Variants in BOP1 observed in about 807,000 individuals in gnomAD.
BOP1 encodes ribosome biogenesis protein BOP1.
In BOP1, 54 loss-of-function variants were observed where a neutral mutation model predicts 82.9. The observed-to-expected ratio is 0.65, with a 90% CI of 0.52 to 0.82. BOP1 has a LOEUF of 0.82. Ranked by LOEUF, BOP1 falls within the 40% of genes least tolerant of loss-of-function variation. BOP1 has a pLI of 0.00. For missense variants in BOP1, 1,170 were observed against 1,072.0 expected, an observed-to-expected ratio of 1.09 and a Z score of -1.28; for synonymous variants, 566 against 451.1, an observed-to-expected ratio of 1.25 and a Z score of -3.23.
At chr8:144,283,491 T>G (rs1814774906) in intron 2 of BOP1, among the ~76,000 whole-genome samples, 1 of 152,160 alleles carries the variant, frequency 6.6e-6, no homozygotes, top group African/African-American at 2.4e-5. Context: ...TTTTAAATTT[T>G]CTGTAAAAAT....
At chr8:144,272,985 TCG>T (rs1488208375) in intron 3 of BOP1, among the ~76,000 whole-genome samples, 1 of 152,002 alleles carries the variant, frequency 6.6e-6, no homozygotes, top group African/African-American at 2.4e-5. Flanking sequence ...AGCAGCCCCC[TCG>T]GAGGCAGGCA....
intron 3 of BOP1, among the ~76,000 whole-genome samples, chr8:144,274,214 C>T (rs1276131143): frequency 6.6e-6 from 1 of 152,190 alleles, no homozygotes; most frequent in Non-Finnish European, 1.5e-5. Context: ...CCCTCCCTGC[C>T]CTGCTACCAG....
At chr8:144,283,890 G>A (rs1206649265) in intron 2 of BOP1, among the ~76,000 whole-genome samples, 1 of 152,200 alleles carries the variant, frequency 6.6e-6, no homozygotes, top group Non-Finnish European at 1.5e-5. Flanking sequence ...GGCCAAGACA[G>A]GTGGATTACC....
At chr8:144,281,033 A>C (rs112131916) in intron 2 of BOP1, among the ~76,000 whole-genome samples, 25,661 of 51,714 alleles carry the variant, frequency 0.5, 5,757 homozygotes, top group East Asian at 0.71. Flanking sequence ...CTCTCACTTT[A>C]ATACCAGGTC....
At chr8:144,287,545 G>C (rs1460878206) in intron 2 of BOP1, among the ~76,000 whole-genome samples, 1 of 152,034 alleles carries the variant, frequency 6.6e-6, no homozygotes, top group Non-Finnish European at 1.5e-5. Context: ...TTGTCACCCA[G>C]GCTGGAGTGC....
intron 3 of BOP1, among the ~76,000 whole-genome samples, chr8:144,275,053 C>T (rs1368606462): frequency 1.3e-5 from 2 of 151,356 alleles, no homozygotes; most frequent in Non-Finnish European, 2.9e-5. Context: ...ATCGGGCGGG[C>T]GGCCAAGGCT....
chr8:144,267,078 C>G, intron 3 of BOP1: 2 of 1,394,592 alleles, frequency 1.4e-6, no homozygotes, highest in South Asian at 1.6e-5. Context: ...CGGCGCGCGC[C>G]GGCAGCCCCC....
chr8:144,262,705 G>C (rs1049502364), intron 13 of BOP1, 33 bp from the exon 14 acceptor site: 166 of 1,607,056 alleles, frequency 1.0e-4, no homozygotes, highest in Middle Eastern at 8.6e-4. Flanking sequence ...AGGTGTTCCC[G>C]CTCTCACCTG....
chr8:144,265,746 G>A (rs1311520892), intron 3 of BOP1: 6 of 154,020 alleles, frequency 3.9e-5, no homozygotes, highest in African/African-American at 1.4e-4. Flanking sequence ...GGGACCCCTT[G>A]GGCCCTGCCC....
intron 2 of BOP1, among the ~76,000 whole-genome samples, chr8:144,282,496 C>T (rs1845700890): frequency 6.6e-6 from 1 of 152,002 alleles, no homozygotes; most frequent in Non-Finnish European, 1.5e-5. Context: ...GCAGGTGGAC[C>T]CAGAAAGAGG....
Position 144,289,240 on chromosome 8 carries a change from C to T in BOP1, c.164G>A (p.Ser55Asn). Residue 55 changes from serine (S) to asparagine (N), a missense_variant, in exon 2 of 16, where the codon AGC (serine) becomes AAC (asparagine). Physicochemically the swap from Ser to Asn is conservative, Grantham distance 46. Coordinates refer to ENST00000569669, the MANE Select transcript of BOP1 (RefSeq NM_015201.5). ...CAGGCCTGAGAACACACTTTCCTCGCTGTCGGAGACGCCAGAATCGCTGCC... is the reference window on the plus strand; with the variant it reads ...CAGGCCTGAGAACACACTTTCCTCGTTGTCGGAGACGCCAGAATCGCTGCC... ...STGSDSGVSD[S>N]EESVFSGLED... 6.2e-7 allele frequency: 1 copy of T among 1,614,070 alleles called. No homozygotes were observed. Among genetic ancestry groups the T allele is most frequent in the Non-Finnish European group, 8.5e-7 (1 of 1,179,956 alleles).
intron 3 of BOP1, among the ~76,000 whole-genome samples, chr8:144,274,822 C>T (rs910670575): frequency 3.9e-5 from 6 of 152,162 alleles, no homozygotes; most frequent in South Asian, 2.1e-4. Context: ...CCCCGGCCTC[C>T]GCGCTCCGTT....
chr8:144,264,878 G>C, intron 4 of BOP1, 39 bp downstream of exon 4: 2 of 1,607,238 alleles, frequency 1.2e-6, no homozygotes, highest in Non-Finnish European at 1.7e-6. Flanking sequence ...CACCCCTCGG[G>C]CCCACCCCGG....
chr8:144,271,225 G>C (rs1017920176), intron 3 of BOP1, among the ~76,000 whole-genome samples: 1 of 152,064 alleles, frequency 6.6e-6, no homozygotes, highest in Non-Finnish European at 1.5e-5. Flanking sequence ...TTCCGCTCTC[G>C]ATGAGCCCCC....
intron 2 of BOP1, among the ~76,000 whole-genome samples, chr8:144,280,552 T>C (rs1273931376): frequency 6.6e-6 from 1 of 152,196 alleles, no homozygotes; most frequent in Non-Finnish European, 1.5e-5. Flanking sequence ...GGCCAAACTC[T>C]CCTTAAATTA....
intron 1 of BOP1, among the ~76,000 whole-genome samples, chr8:144,290,616 T>C (rs972654205): frequency 6.6e-5 from 10 of 152,326 alleles, no homozygotes; most frequent in Non-Finnish European, 1.3e-4. Context: ...GAGGACCGTT[T>C]AGTCCAAGGG....
intron 3 of BOP1, 62 bp from the exon 4 acceptor site, chr8:144,265,133 G>A (rs925140956): frequency 3.4e-5 from 53 of 1,564,238 alleles, no homozygotes; most frequent in Admixed American, 1.4e-4. Context: ...GCTTCGGGCC[G>A]CCCAGGGGAG....
intron 3 of BOP1, among the ~76,000 whole-genome samples, chr8:144,273,439 C>A (rs1274071057): frequency 6.6e-6 from 1 of 152,232 alleles, no homozygotes; most frequent in Non-Finnish European, 1.5e-5. Context: ...CACCACGGGG[C>A]ACAGGAAAGG....
At chr8:144,276,417 A>G in intron 2 of BOP1, 113 bp from the exon 3 acceptor site, 1 of 1,231,556 alleles carries the variant, frequency 8.1e-7, no homozygotes, top group Non-Finnish European at 1.2e-6. Context: ...CCAGCCTGGC[A>G]CAGGCCTCAG....
Sources: gnomAD v4.1 joint callset for allele counts (sites outside exome capture counted in the v4.1 genomes callset) on GRCh38, gnomAD v4.1.1 for gene constraint, MANE v1.5 for transcripts, NCBI Gene and HGNC (gene_info 2026-07-23, HGNC 2026-07-21) for gene names.